The following VPS13B variants were observed in gnomAD, a reference collection of about 807,000 sequenced individuals.
VPS13B encodes the protein vacuolar protein sorting 13 homolog B, also known as intermembrane lipid transfer protein VPS13B.
A neutral mutation model predicts 426.4 loss-of-function variants in VPS13B; 285 were observed. The observed-to-expected ratio is 0.67, with a 90% CI of 0.61 to 0.74. The LOEUF (loss-of-function observed/expected upper bound fraction) is 0.74. Among genes scored for constraint, VPS13B ranks in the 30% least tolerant of loss-of-function variants. The pLI is 0.00. For missense variants in VPS13B, 4,537 were observed against 4,782.6 expected (o/e 0.95, Z 1.51); for synonymous variants, 1,676 against 1,676.4 (o/e 1.00, Z 0.01).
chr8:99,832,970 T>A (rs1815165942), intron 52 of VPS13B, among the ~76,000 whole-genome samples: 1 of 152,192 alleles, frequency 6.6e-6, no homozygotes, highest in South Asian at 2.1e-4. Context: ...AAAGATCATA[T>A]CATAATGAAA....
intron 39 of VPS13B, among the ~76,000 whole-genome samples, chr8:99,746,671 T>C (rs555190780): frequency 1.3e-5 from 2 of 152,276 alleles, no homozygotes; most frequent in South Asian, 2.1e-4. Context: ...GTGAGCCCAG[T>C]TCTGCAGGTT....
intron 19 of VPS13B, among the ~76,000 whole-genome samples, chr8:99,326,609 A>C (rs1287434390): frequency 6.6e-6 from 1 of 151,280 alleles, no homozygotes; most frequent in Non-Finnish European, 1.5e-5. Flanking sequence ...ACGTTGCTCA[A>C]GCTGGTCTCA....
rs1814116498 is a variant in VPS13B, at chr8:99,817,540, A to T, written c.8098A>T (p.Ile2700Phe). 2 of 1,613,840 alleles carry T rather than the reference A, an allele frequency of 1.2e-6. No homozygotes were observed. Among genetic ancestry groups the T allele is most frequent in the South Asian group, 2.2e-5 (2 of 91,060 alleles). The change falls in exon 45 of 62, where the codon ATT (isoleucine) becomes TTT (phenylalanine). Residue 2700 changes from isoleucine (I) to phenylalanine (F), a missense_variant and splice_region_variant. By Grantham distance (21) the Ile-to-Phe change is conservative (BLOSUM62 0). Around this residue, in one of 2 missense-constraint regions of VPS13B, gnomAD observed 4,311 missense variants for 4,474.3 expected, o/e 0.96. Transcript: ENST00000357162. ...VQQLNGVQKQ[I>F]IICGRQIICS... ...CCTTATATACTTAACTGTCTTTTAGATTATCATCTGTGGAAGACAGATCAT... is the reference window on the plus strand; with the variant it reads ...CCTTATATACTTAACTGTCTTTTAGTTTATCATCTGTGGAAGACAGATCAT...
At chr8:99,410,867 T>A (rs1449474320) in intron 21 of VPS13B, among the ~76,000 whole-genome samples, 3 of 152,150 alleles carry the variant, frequency 2.0e-5, no homozygotes, top group Non-Finnish European at 4.4e-5. Context: ...TCCAGCTTCA[T>A]CCATGTCCCT....
rs555992357 is a variant in VPS13B, at chr8:99,206,124, A to G, written c.2515+13067A>G. ...TTGCGAGAAGATTAAATATAAAGTCACACATGGCTTTGGTTTTGCTCTGGA... is the reference window on the plus strand; with the variant it reads ...TTGCGAGAAGATTAAATATAAAGTCGCACATGGCTTTGGTTTTGCTCTGGA... On this transcript the variant is annotated intron_variant, in intron 17 of 61. Transcript: ENST00000357162. Among the ~76,000 whole-genome samples, 4 of 152,320 alleles carry G rather than the reference A, an allele frequency of 2.6e-5. No homozygotes were observed. In the East Asian group the frequency reaches 7.7e-4, roughly 29 times the overall value.
intron 57 of VPS13B, among the ~76,000 whole-genome samples, chr8:99,861,259 G>T (rs531173842): frequency 6.6e-6 from 1 of 152,272 alleles, no homozygotes; most frequent in East Asian, 1.9e-4. Context: ...CATCACCCCT[G>T]TGGGCAAGTG....
intron 23 of VPS13B, among the ~76,000 whole-genome samples, chr8:99,445,936 A>G (rs530256033): frequency 6.6e-6 from 1 of 152,352 alleles, no homozygotes; most frequent in Non-Finnish European, 1.5e-5. Context: ...CATTAGCTAT[A>G]TGGTTTCTGT....
rs375399419 is a variant in VPS13B, at chr8:99,642,474, G to T, written c.5884G>T (p.Val1962Leu). The T allele has an allele frequency of 7.3e-5, 117 of 1,613,464 alleles. No individual in the cohort carries two copies. Among genetic ancestry groups the T allele is most frequent in the Admixed American group, 3.8e-4 (23 of 59,924 alleles). Residue 1962 changes from valine (V) to leucine (L), a missense_variant, in exon 34 of 62, where the codon GTG (valine) becomes TTG (leucine). Around this residue, in one of 2 missense-constraint regions of VPS13B, gnomAD observed 4,311 missense variants for 4,474.3 expected, o/e 0.96. Coordinates refer to ENST00000357162, the MANE Select transcript of VPS13B (RefSeq NM_152564.5). ...CATTTTTGATGCTGTGCTTAAAGGG[G>T]TGGCCTCTGATTACAAATGTATAGG... ...VSIFDAVLKG[V>L]ASDYKCIDPG...
intron 25 of VPS13B, among the ~76,000 whole-genome samples, chr8:99,494,759 A>C (rs995134447): frequency 1.3e-5 from 2 of 152,240 alleles, no homozygotes; most frequent in African/African-American, 4.8e-5. Context: ...TGAAAATATT[A>C]GACAATATTT....
intron 17 of VPS13B, among the ~76,000 whole-genome samples, chr8:99,265,303 AG>A (rs1818239934): frequency 6.6e-6 from 1 of 152,196 alleles, no homozygotes; most frequent in African/African-American, 2.4e-5. Flanking sequence ...TGTTGATTGT[AG>A]GGGAATTGGA....
intron 13 of VPS13B, among the ~76,000 whole-genome samples, chr8:99,144,904 G>A (rs941049019): frequency 4.6e-5 from 7 of 152,122 alleles, no homozygotes; most frequent in African/African-American, 1.7e-4. Flanking sequence ...CAGAAGGAGG[G>A]GAGAGCTGTT....
At chr8:99,685,061 A>G (rs1831326421) in intron 35 of VPS13B, among the ~76,000 whole-genome samples, 1 of 152,196 alleles carries the variant, frequency 6.6e-6, no homozygotes, top group African/African-American at 2.4e-5. Flanking sequence ...TTGGCCTACC[A>G]AAGGGCTGGG....
chr8:99,700,404 A>G (rs1464045254), intron 36 of VPS13B, among the ~76,000 whole-genome samples: 2 of 152,238 alleles, frequency 1.3e-5, no homozygotes, highest in Non-Finnish European at 1.5e-5. Flanking sequence ...AACAAGCCCT[A>G]TAGGTGATTC....
At chr8:99,812,509 A>G (rs892704977) in intron 44 of VPS13B, among the ~76,000 whole-genome samples, 5 of 152,210 alleles carry the variant, frequency 3.3e-5, no homozygotes, top group African/African-American at 1.2e-4. Context: ...CACCCCCTGG[A>G]TAATGGAGAA....
At chr8:99,500,267 C>G (rs1211011635) in intron 25 of VPS13B, among the ~76,000 whole-genome samples, 1 of 151,864 alleles carries the variant, frequency 6.6e-6, no homozygotes, top group Non-Finnish European at 1.5e-5. Context: ...TTGAGACATT[C>G]AAAGCAATAA....
intron 3 of VPS13B, among the ~76,000 whole-genome samples, chr8:99,092,559 A>G (rs893657237): frequency 2.0e-5 from 3 of 152,116 alleles, no homozygotes; most frequent in African/African-American, 4.8e-5. Flanking sequence ...AGTAAATATT[A>G]TAATTATTCT....
intron 33 of VPS13B, among the ~76,000 whole-genome samples, chr8:99,636,440 T>C (rs1028180573): frequency 1.3e-5 from 2 of 152,002 alleles, no homozygotes; most frequent in African/African-American, 2.4e-5. Context: ...GAATATTAAT[T>C]ATCATTATCA....
At chr8:99,199,320 T>TA (rs1177789744) in intron 17 of VPS13B, among the ~76,000 whole-genome samples, 1 of 152,124 alleles carries the variant, frequency 6.6e-6, no homozygotes, top group Non-Finnish European at 1.5e-5. Context: ...TACAGGTGCC[T>TA]GCCACCACAC....
intron 17 of VPS13B, among the ~76,000 whole-genome samples, chr8:99,246,829 G>A (rs1458835255): frequency 2.1e-5 from 3 of 142,224 alleles, no homozygotes; most frequent in African/African-American, 8.0e-5. Flanking sequence ...CAGCCTGGGC[G>A]ACAGAGCAAG....
Sources: allele counts gnomAD v4.1 joint callset (sites outside exome capture counted in the v4.1 genomes callset), GRCh38; gene constraint gnomAD v4.1.1; regional missense constraint gnomAD v4.1.1; transcripts MANE v1.5; gene names NCBI Gene and HGNC (gene_info 2026-07-23, HGNC 2026-07-21).